Variants in EPHA7 observed in about 807,000 individuals in gnomAD.
The protein encoded by EPHA7 is ephrin type-A receptor 7.
Under a neutral mutation model 112.6 loss-of-function variants are expected in EPHA7, and 25 were observed. The ratio of observed to expected loss-of-function variants is 0.22; its 90% CI spans 0.16 to 0.31. EPHA7 has a LOEUF of 0.31. Ranked by LOEUF, EPHA7 falls within the 10% of genes least tolerant of loss-of-function variation. The pLI, the probability that EPHA7 is intolerant of heterozygous loss-of-function variation, is 1.00. For missense variants in EPHA7, 962 were observed against 1,212.6 expected (o/e 0.79, Z 3.07); for synonymous variants, 437 against 406.5 (o/e 1.07, Z -0.90).
chr6:93,409,362 A>T (rs2127993551), intron 3 of EPHA7, among the ~76,000 whole-genome samples: 1 of 152,152 alleles, frequency 6.6e-6, no homozygotes, highest in East Asian at 1.9e-4. Context: ...AACTGCAAGC[A>T]AGCTATTTAC....
intron 5 of EPHA7, among the ~76,000 whole-genome samples, chr6:93,284,974 A>T (rs1321050811): frequency 6.6e-6 from 1 of 152,206 alleles, no homozygotes; most frequent in Non-Finnish European, 1.5e-5. Context: ...CTGCACATGT[A>T]TCCCAGAACT....
intron 5 of EPHA7, among the ~76,000 whole-genome samples, chr6:93,353,326 T>C (rs1775786830): frequency 2.0e-5 from 3 of 152,122 alleles, no homozygotes; most frequent in Admixed American, 1.3e-4. Context: ...ATGTTCATGA[T>C]AAGTAAATAT....
intron 2 of EPHA7, among the ~76,000 whole-genome samples, chr6:93,414,472 G>A (rs1275457701): frequency 6.6e-6 from 1 of 151,666 alleles, no homozygotes; most frequent in Non-Finnish European, 1.5e-5. Flanking sequence ...CACACAATAA[G>A]AACTCAAAAG....
chr6:93,244,243 T>C (rs1769842979), intron 16 of EPHA7, among the ~76,000 whole-genome samples: 1 of 152,080 alleles, frequency 6.6e-6, no homozygotes. Flanking sequence ...TTCATGGCAG[T>C]GACTGAGAAA....
intron 14 of EPHA7, among the ~76,000 whole-genome samples, chr6:93,251,340 T>G (rs985694042): frequency 6.6e-6 from 1 of 151,932 alleles, no homozygotes; most frequent in Admixed American, 6.6e-5. Flanking sequence ...ACTTTTCTTA[T>G]ATGGCTTTAA....
chr6:93,404,911 G>T (rs1778620762), intron 3 of EPHA7, among the ~76,000 whole-genome samples: 1 of 151,556 alleles, frequency 6.6e-6, no homozygotes, highest in African/African-American at 2.4e-5. Flanking sequence ...AACTATATTT[G>T]CCACTTACTA....
chr6:93,294,671 TATTA>T (rs1273594433), intron 5 of EPHA7, among the ~76,000 whole-genome samples: 1 of 152,128 alleles, frequency 6.6e-6, no homozygotes, highest in Non-Finnish European at 1.5e-5. Flanking sequence ...GCTACAGTTG[TATTA>T]ATTATAACAT....
chr6:93,332,387 T>C (rs1774639062), intron 5 of EPHA7, among the ~76,000 whole-genome samples: 1 of 151,792 alleles, frequency 6.6e-6, no homozygotes, highest in Non-Finnish European at 1.5e-5. Flanking sequence ...GTAAGTACTA[T>C]AAATAATGAA....
intron 3 of EPHA7, among the ~76,000 whole-genome samples, chr6:93,386,336 C>T (rs1024499547): frequency 3.9e-5 from 6 of 152,230 alleles, no homozygotes; most frequent in South Asian, 2.1e-4. Context: ...ATGGAAGAAA[C>T]TGGCCAAAAT....
intron 5 of EPHA7, among the ~76,000 whole-genome samples, chr6:93,280,469 A>G (rs1562064539): frequency 1.3e-5 from 2 of 152,190 alleles, no homozygotes; most frequent in Admixed American, 1.3e-4. Flanking sequence ...CTCTGCTTCA[A>G]CTAATACAGA....
chr6:93,320,522 T>C (rs1218708650), intron 5 of EPHA7, among the ~76,000 whole-genome samples: 1 of 151,970 alleles, frequency 6.6e-6, no homozygotes, highest in Non-Finnish European at 1.5e-5. Flanking sequence ...AGAAAAACAA[T>C]TCCCTTTCAT....
intron 5 of EPHA7, among the ~76,000 whole-genome samples, chr6:93,283,641 G>A (rs531379735): frequency 5.3e-5 from 8 of 152,084 alleles, no homozygotes; most frequent in Admixed American, 5.2e-4. Context: ...CTTCACTCCC[G>A]AAGCCAGCGA....
At position 93,311,428 on chromosome 6, in the gene EPHA7, T is replaced by G. The variant is rs575115142; in HGVS notation, c.1325-39006A>C. Among the ~76,000 whole-genome samples the G allele has an allele frequency of 3.2e-4, 48 of 152,296 alleles. No homozygotes were observed. The South Asian group carries it at 3.7e-3, about 12-fold the overall frequency. On this transcript the variant is annotated intron_variant, in intron 5 of 16. Transcript: ENST00000369303. ...GTCTCCATGAAGACAATATTTCTTC[T>G]CAAGAAACCACTTTCTTTGCCCAAC...
rs200816651 is a variant in EPHA7, at chr6:93,246,942, A to T, written c.2576T>A (p.Met859Lys). The part of the protein sequence containing the change: ...IEEGYRLPAP[M>K]DCPAGLHQLM... ...CTGGTGAAGGCCAGCTGGGCAGTCC[A>T]TGGGTGCTGGTAAACGATAACCTTC... The change falls in exon 15 of 17, where the codon ATG becomes AAG. Residue 859 changes from methionine to lysine, a missense_variant. Coordinates refer to ENST00000369303, the MANE Select transcript of EPHA7 (RefSeq NM_004440.4). 2.5e-6 allele frequency: 4 copies of T among 1,610,422 alleles called. No homozygotes were observed. Among genetic ancestry groups the T allele is most frequent in the Non-Finnish European group, 3.4e-6 (4 of 1,177,146 alleles).
chr6:93,266,993 T>C (rs893417402), intron 7 of EPHA7, among the ~76,000 whole-genome samples: 14 of 151,894 alleles, frequency 9.2e-5, no homozygotes, highest in Middle Eastern at 3.4e-3. Context: ...AATATGAAGA[T>C]GTTATTTGAC....
chr6:93,259,326 C>G (rs1770583928), intron 10 of EPHA7, 28 bp downstream of exon 10: 3 of 1,609,070 alleles, frequency 1.9e-6, no homozygotes, highest in East Asian at 2.2e-5. Context: ...AATGGAACAG[C>G]TGAACGAGGA....
intron 5 of EPHA7, among the ~76,000 whole-genome samples, chr6:93,293,939 G>A (rs1307393270): frequency 1.3e-5 from 2 of 152,096 alleles, no homozygotes; most frequent in African/African-American, 2.4e-5. Context: ...ACTCCCAAAG[G>A]CAACAAGACA....
At chr6:93,261,546 G>T (rs1770688920) in intron 9 of EPHA7, among the ~76,000 whole-genome samples, 1 of 151,416 alleles carries the variant, frequency 6.6e-6, no homozygotes, top group Non-Finnish European at 1.5e-5. Flanking sequence ...AATTTACCAG[G>T]ATAGGATATG....
At chr6:93,309,215 C>G (rs1418818533) in intron 5 of EPHA7, among the ~76,000 whole-genome samples, 2 of 152,212 alleles carry the variant, frequency 1.3e-5, no homozygotes, top group African/African-American at 2.4e-5. Flanking sequence ...TCCCAAAGGG[C>G]TGGGATTGCA....
Sources: allele counts gnomAD v4.1 joint callset (sites outside exome capture counted in the v4.1 genomes callset), GRCh38; gene constraint gnomAD v4.1.1; transcripts MANE v1.5; gene names NCBI Gene and HGNC (gene_info 2026-07-23, HGNC 2026-07-21).